The following SHANK2 variants were observed in gnomAD, a reference collection of about 807,000 sequenced individuals.
The protein encoded by SHANK2 is SH3 and multiple ankyrin repeat domains protein 2.
Under a neutral mutation model 133.7 loss-of-function variants are expected in SHANK2, and 43 were observed. The ratio of observed to expected loss-of-function variants is 0.32; its 90% CI spans 0.25 to 0.41. SHANK2 has a LOEUF of 0.41. SHANK2 is among the 10% of genes least tolerant of loss of function. SHANK2 has a pLI of 1.00. For synonymous variants in SHANK2, 1,017 were observed against 952.8 expected (o/e 1.07, Z -1.24); for missense variants, 1,994 against 2,235.8 (o/e 0.89, Z 2.18).
chr11:70,799,082 A>G (rs1417910180), intron 13 of SHANK2, among the ~76,000 whole-genome samples: 10 of 152,168 alleles, frequency 6.6e-5, no homozygotes, highest in African/African-American at 2.4e-4. Context: ...TGGATCTTCT[A>G]AACAAGCGTG....
intron 14 of SHANK2, among the ~76,000 whole-genome samples, chr11:70,788,609 C>T (rs1403371236): frequency 1.3e-5 from 2 of 152,128 alleles, no homozygotes; most frequent in African/African-American, 4.8e-5. Flanking sequence ...CCATTTCAGG[C>T]ACCCAATGGG....
intron 14 of SHANK2, among the ~76,000 whole-genome samples, chr11:70,783,789 C>T (rs577965833): frequency 6.6e-6 from 1 of 152,134 alleles, no homozygotes; most frequent in African/African-American, 2.4e-5. Flanking sequence ...ATGCTTGTTA[C>T]GCGCCACACA....
intron 17 of SHANK2, among the ~76,000 whole-genome samples, chr11:70,589,943 G>T (rs2060300229): frequency 6.6e-6 from 1 of 152,014 alleles, no homozygotes; most frequent in Admixed American, 6.6e-5. Context: ...CACGAGGTTA[G>T]GAGATCAAGA....
intron 2 of SHANK2, among the ~76,000 whole-genome samples, chr11:71,212,388 T>C (rs543628327): frequency 7.9e-5 from 12 of 152,352 alleles, no homozygotes; most frequent in South Asian, 6.2e-4. Flanking sequence ...CTAAAAATGT[T>C]CTCAGACCTG....
intron 4 of SHANK2, among the ~76,000 whole-genome samples, chr11:71,118,135 C>T (rs1555100718): frequency 6.6e-6 from 1 of 152,062 alleles, no homozygotes; most frequent in Non-Finnish European, 1.5e-5. Flanking sequence ...TCTCCATGCC[C>T]AGGGCCCATG....
At chr11:70,504,192 T>C (rs1349088476) in intron 17 of SHANK2, among the ~76,000 whole-genome samples, 1 of 152,254 alleles carries the variant, frequency 6.6e-6, no homozygotes, top group Non-Finnish European at 1.5e-5. Context: ...CATATCCTCC[T>C]GCTATAGATT....
intron 21 of SHANK2, among the ~76,000 whole-genome samples, chr11:70,497,395 C>T (rs782041640): frequency 6.6e-6 from 1 of 152,208 alleles, no homozygotes; most frequent in Non-Finnish European, 1.5e-5. Flanking sequence ...GTGAATCTGG[C>T]CCCTGGCAGT....
chr11:70,676,476 G>C (rs1471270388), intron 15 of SHANK2, among the ~76,000 whole-genome samples: 1 of 152,190 alleles, frequency 6.6e-6, no homozygotes, highest in African/African-American at 2.4e-5. Flanking sequence ...TGGAGCTATG[G>C]CTGCCATCTT....
At chr11:70,879,075 C>T (rs924322815) in intron 11 of SHANK2, among the ~76,000 whole-genome samples, 13 of 152,194 alleles carry the variant, frequency 8.5e-5, no homozygotes, top group Non-Finnish European at 1.6e-4. Flanking sequence ...CCCATGTGCC[C>T]GGTGGTCCTA....
intron 21 of SHANK2, among the ~76,000 whole-genome samples, chr11:70,494,739 G>T (rs2058944830): frequency 6.6e-6 from 1 of 152,190 alleles, no homozygotes; most frequent in Non-Finnish European, 1.5e-5. Flanking sequence ...CACGTTTCCA[G>T]TTGTCAGCAA....
intron 14 of SHANK2, among the ~76,000 whole-genome samples, chr11:70,740,054 ACAGCACC>A (rs1555034399): frequency 2.6e-5 from 4 of 151,712 alleles, no homozygotes; most frequent in African/African-American, 9.7e-5. Flanking sequence ...GGCTCCGTCC[ACAGCACC>A]TAGGACAGAC....
chr11:70,561,523 T>C (rs2059908299), intron 17 of SHANK2, among the ~76,000 whole-genome samples: 1 of 151,928 alleles, frequency 6.6e-6, no homozygotes, highest in Non-Finnish European at 1.5e-5. Context: ...TCACTTCTTC[T>C]GCTTGCTTGT....
rs1053327132 is a variant in SHANK2, at chr11:71,092,501, G to T, written c.833C>A (p.Pro278His). ...GTGCAGGAGAAGCTCGCAGCAGTAGGGATCACCTCCGACGATGGCTGTGTG... is the reference window on the plus strand; with the variant it reads ...GTGCAGGAGAAGCTCGCAGCAGTAGTGATCACCTCCGACGATGGCTGTGTG... ...LYHTAIVGGD[P>H]YCCELLLHEH... The change falls in exon 8 of 26, where the codon CCC becomes CAC. Residue 278 changes from proline (P) to histidine (H), a missense_variant. Physicochemically the swap from Pro to His is moderately conservative, Grantham distance 77 (BLOSUM62 -2). Transcript: ENST00000601538. 2.6e-5 allele frequency: 40 copies of T among 1,551,606 alleles called. No individual in the cohort carries two copies. The highest frequency in any genetic ancestry group is 3.5e-5 in the Non-Finnish European group (40 of 1,147,028).
chr11:70,712,207 C>T (rs1158978424), intron 14 of SHANK2, among the ~76,000 whole-genome samples: 1 of 152,206 alleles, frequency 6.6e-6, no homozygotes, highest in Non-Finnish European at 1.5e-5. Flanking sequence ...GTCCTTCCCC[C>T]CACTGCATTG....
intron 17 of SHANK2, among the ~76,000 whole-genome samples, chr11:70,616,234 C>T (rs895125479): frequency 7.2e-5 from 11 of 152,278 alleles, no homozygotes; most frequent in Non-Finnish European, 1.2e-4. Context: ...CTCCTTGCTC[C>T]GATAAGTAGC....
intron 3 of SHANK2, among the ~76,000 whole-genome samples, chr11:71,122,281 T>C (rs1555101607): frequency 6.6e-6 from 1 of 152,024 alleles, no homozygotes; most frequent in East Asian, 1.9e-4. Context: ...ATTAAGAAAA[T>C]GTGGCACATA....
rs1471555760 is a variant in SHANK2, at chr11:71,234,402, T to TAAATAAATAAATAAAA, written c.-112-9607_-112-9606insTTTTATTTATTTATTT. Among the ~76,000 whole-genome samples, 10 of 148,966 alleles carry TAAATAAATAAATAAAA rather than the reference T, an allele frequency of 6.7e-5. No homozygotes were observed. In the East Asian group the frequency reaches 1.7e-3, roughly 26 times the overall value. On this transcript the variant is annotated intron_variant, in intron 1 of 25. Transcript: ENST00000601538. ...ATAAATAAATAAATAAATAAATAAA[T>TAAATAAATAAATAAAA]AACAACAAAATGTTAGCCTGCAGAT...
At chr11:70,894,975 AT>A (rs1949911046) in intron 11 of SHANK2, among the ~76,000 whole-genome samples, 1 of 152,156 alleles carries the variant, frequency 6.6e-6, no homozygotes, top group Non-Finnish European at 1.5e-5. Context: ...AGCTCAGTTC[AT>A]TTTCTAAATC....
At chr11:70,518,597 C>A (rs1591529111) in intron 17 of SHANK2, among the ~76,000 whole-genome samples, 1 of 152,238 alleles carries the variant, frequency 6.6e-6, no homozygotes, top group Admixed American at 6.5e-5. Flanking sequence ...GCTGAAGAAA[C>A]CGAGTCAATT....
Sources: gnomAD v4.1 joint callset for allele counts (sites outside exome capture counted in the v4.1 genomes callset) on GRCh38, gnomAD v4.1.1 for gene constraint, MANE v1.5 for transcripts, NCBI Gene and HGNC (gene_info 2026-07-23, HGNC 2026-07-21) for gene names.